The following TACR3 variants were observed in gnomAD, a reference collection of about 807,000 sequenced individuals.
The protein encoded by TACR3 is tachykinin receptor 3.
In TACR3, 34 loss-of-function variants were observed where a neutral mutation model predicts 35.0. The observed-to-expected ratio is 0.97, with a 90% CI of 0.74 to 1.30. The LOEUF (loss-of-function observed/expected upper bound fraction) is 1.30, where lower values mean the gene tolerates loss of function less well. TACR3 is among the 50% of genes most tolerant of loss of function. The pLI, the probability that TACR3 is intolerant of heterozygous loss-of-function variation, is 0.00. For missense variants in TACR3, 558 were observed against 591.7 expected (o/e 0.94, Z 0.59); for synonymous variants, 233 against 221.1 (o/e 1.05, Z -0.48).
intron 3 of TACR3, among the ~76,000 whole-genome samples, chr4:103,627,758 A>G (rs960438906): frequency 6.6e-6 from 1 of 152,186 alleles, no homozygotes; most frequent in Non-Finnish European, 1.5e-5. Context: ...TAACAAGGAT[A>G]TCCAGGACTT....
At position 103,702,893 on chromosome 4, in the gene TACR3, A is replaced by G. The variant is rs1448778040; in HGVS notation, c.548+16235T>C. On this transcript the variant is annotated intron_variant, in intron 1 of 4. Coordinates refer to ENST00000304883, the MANE Select transcript of TACR3 (RefSeq NM_001059.3). ...AGGAAGGGGAACATCACACACTGGG[A>G]CCTGTTGTGGGGTGGGGGGAGGGGG... Among the ~76,000 whole-genome samples, 17 of 112,070 alleles carry G rather than the reference A, an allele frequency of 1.5e-4. No individual in the cohort carries two copies. The Admixed American group carries it at 2.0e-3, about 13-fold the overall frequency. 73.5% of individuals were successfully genotyped at this position (112,070 alleles called of 152,430 possible). A position where few individuals can be genotyped will look rare whatever the true frequency, so the allele number is the denominator to read the frequency against.
At chr4:103,591,353 C>T in intron 4 of TACR3, 134 bp downstream of exon 4, 3 of 979,600 alleles carry the variant, frequency 3.1e-6, no homozygotes, top group South Asian at 1.4e-5. Flanking sequence ...AAAGCCTGTG[C>T]CTCTCTCAGT....
chr4:103,611,016 A>T (rs1379165740), intron 3 of TACR3, among the ~76,000 whole-genome samples: 1 of 151,720 alleles, frequency 6.6e-6, no homozygotes, highest in Non-Finnish European at 1.5e-5. Context: ...TGCTGCTTTC[A>T]CTATTTTTGT....
At chr4:103,685,518 A>C (rs548254916) in intron 1 of TACR3, among the ~76,000 whole-genome samples, 30 of 152,322 alleles carry the variant, frequency 2.0e-4, no homozygotes, top group African/African-American at 6.7e-4. Flanking sequence ...ATTAATCTTT[A>C]TCAAAATTTA....
intron 3 of TACR3, among the ~76,000 whole-genome samples, chr4:103,652,576 T>C (rs1428292163): frequency 3.3e-5 from 5 of 152,018 alleles, no homozygotes; most frequent in Admixed American, 6.6e-5. Context: ...AGGAAATGAT[T>C]ATTTTTGTGT....
chr4:103,700,668 G>C (rs371059420), intron 1 of TACR3, among the ~76,000 whole-genome samples: 31 of 152,094 alleles, frequency 2.0e-4, no homozygotes, highest in African/African-American at 7.5e-4. Context: ...ATTTATGTCA[G>C]ACATCAAATG....
intron 1 of TACR3, among the ~76,000 whole-genome samples, chr4:103,693,355 G>A (rs955015142): frequency 6.6e-6 from 1 of 152,116 alleles, no homozygotes; most frequent in Admixed American, 6.6e-5. Flanking sequence ...GACACACAGA[G>A]GTGAAGCTGC....
At chr4:103,615,396 T>A (rs1159321077) in intron 3 of TACR3, among the ~76,000 whole-genome samples, 3 of 122,562 alleles carry the variant, frequency 2.4e-5, no homozygotes, top group Middle Eastern at 7.9e-3. Context: ...TGTGTGTGTG[T>A]GTGAGAGAGA....
At chr4:103,664,784 A>AT (rs1232869149) in intron 1 of TACR3, among the ~76,000 whole-genome samples, 1 of 151,742 alleles carries the variant, frequency 6.6e-6, no homozygotes, top group Non-Finnish European at 1.5e-5. Flanking sequence ...TTATTTTGTG[A>AT]TTTTTTTCAT....
intron 1 of TACR3, among the ~76,000 whole-genome samples, chr4:103,665,761 A>G (rs921620652): frequency 5.3e-5 from 8 of 152,150 alleles, no homozygotes; most frequent in African/African-American, 9.7e-5. Flanking sequence ...CTGTGTGCTC[A>G]GTACCATACC....
chr4:103,665,059 C>T (rs1460127951), intron 1 of TACR3, among the ~76,000 whole-genome samples: 1 of 151,784 alleles, frequency 6.6e-6, no homozygotes, highest in Non-Finnish European at 1.5e-5. Flanking sequence ...GCTTTCTGTC[C>T]ACCTTGGCCT....
intron 3 of TACR3, among the ~76,000 whole-genome samples, chr4:103,615,487 A>G (rs1407947667): frequency 6.6e-6 from 1 of 151,906 alleles, no homozygotes; most frequent in Non-Finnish European, 1.5e-5. Flanking sequence ...ATTGCAACTT[A>G]AAAAATAGCA....
At chr4:103,609,248 A>G (rs1344666057) in intron 3 of TACR3, among the ~76,000 whole-genome samples, 1 of 152,162 alleles carries the variant, frequency 6.6e-6, no homozygotes, top group Non-Finnish European at 1.5e-5. Flanking sequence ...AACAGTGGCC[A>G]CAAAATTATT....
chr4:103,708,071 G>C (rs532682421), intron 1 of TACR3, among the ~76,000 whole-genome samples: 29 of 152,316 alleles, frequency 1.9e-4, no homozygotes, highest in Admixed American at 1.4e-3. Context: ...CTCCACCTCT[G>C]GGGGCAGGGC....
chr4:103,620,593 C>T (rs1484361479), intron 3 of TACR3, among the ~76,000 whole-genome samples: 1 of 152,192 alleles, frequency 6.6e-6, no homozygotes, highest in Admixed American at 6.5e-5. Context: ...ATGTCCTTTG[C>T]AGGGACATGG....
Position 103,695,711 on chromosome 4 carries a change from CTGTGTGTGTG to C in TACR3, c.548+23407_548+23416del, listed in dbSNP as rs10603685. 8.2e-5 allele frequency among the ~76,000 whole-genome samples: 12 copies of C among 146,196 alleles called. No homozygotes were observed. In the South Asian group the frequency reaches 8.7e-4, roughly 11 times the overall value. On this transcript the variant is annotated intron_variant, in intron 1 of 4. Coordinates refer to ENST00000304883, the MANE Select transcript of TACR3 (RefSeq NM_001059.3). Reference sequence around the variant, plus strand: ...ACAGAATATAGATATGTCTCTCTCTCTGTGTGTGTGTGTGTGTGTGTGTGTGTGTGTGTAA... The same window carrying C: ...ACAGAATATAGATATGTCTCTCTCTCTGTGTGTGTGTGTGTGTGTGTGTAA...
At chr4:103,597,074 G>A (rs552344669) in intron 3 of TACR3, among the ~76,000 whole-genome samples, 49 of 152,098 alleles carry the variant, frequency 3.2e-4, no homozygotes, top group African/African-American at 1.0e-3. Context: ...GTGTGCATGC[G>A]TCTTTATAGC....
chr4:103,680,989 T>C (rs1366157699), intron 1 of TACR3, among the ~76,000 whole-genome samples: 1 of 151,748 alleles, frequency 6.6e-6, no homozygotes, highest in Non-Finnish European at 1.5e-5. Flanking sequence ...TCTTTCTTCC[T>C]TATATTTTTT....
At chr4:103,631,624 G>T (rs984810183) in intron 3 of TACR3, among the ~76,000 whole-genome samples, 2 of 152,168 alleles carry the variant, frequency 1.3e-5, no homozygotes, top group Non-Finnish European at 2.9e-5. Flanking sequence ...TCCTTTGTGT[G>T]TTGGGACTGA....
Sources: allele counts gnomAD v4.1 joint callset (sites outside exome capture counted in the v4.1 genomes callset), GRCh38; gene constraint gnomAD v4.1.1; transcripts MANE v1.5; gene names NCBI Gene and HGNC (gene_info 2026-07-23, HGNC 2026-07-21).